CCDC32: variants seen among roughly 807,000 people sequenced by gnomAD.
CCDC32 encodes the protein coiled-coil domain containing 32, also known as coiled-coil domain-containing protein 32.
CCDC32 carries 9 observed loss-of-function variants against 20.1 expected under a neutral mutation model. The observed-to-expected ratio is 0.45, with a 90% confidence interval of 0.27 to 0.78. The LOEUF (loss-of-function observed/expected upper bound fraction) is 0.78. CCDC32 is among the 30% of genes least tolerant of loss of function. The probability of loss-of-function intolerance (pLI) is 0.16; values close to 1 mark genes in which losing one functional copy is unlikely to be tolerated. For missense variants in CCDC32, 204 were observed against 215.5 expected, an observed-to-expected ratio of 0.95 and a Z score of 0.33; for synonymous variants, 63 against 79.0, an observed-to-expected ratio of 0.80 and a Z score of 1.07.
rs747237518 is a variant in CCDC32 at position 40,553,662 on chromosome 15, C to A, written c.*309G>T. The A allele has an allele frequency of 1.0e-4, 114 of 1,144,854 alleles. No homozygotes were observed. Among genetic ancestry groups the A allele is most frequent in the Non-Finnish European group, 1.2e-4 (110 of 934,188 alleles). 70.9% of individuals were successfully genotyped at this position (1,144,854 alleles called of 1,614,324 possible). On this transcript the variant is annotated 3_prime_UTR_variant, in exon 4 of 4. Coordinates refer to ENST00000416810, the MANE Select transcript of CCDC32 (RefSeq NM_001080792.4). ...ATTTGATCTTTAGCAGACTTCTAACCTGCAGAGACAGAGCTCAGCCAAGCT... is the reference window on the plus strand; with the variant it reads ...ATTTGATCTTTAGCAGACTTCTAACATGCAGAGACAGAGCTCAGCCAAGCT...
chr15:40,564,829 G>A, intron 1 of CCDC32, 147 bp downstream of exon 1: 1 of 1,613,704 alleles, frequency 6.2e-7, no homozygotes, highest in South Asian at 1.1e-5. Context: ...GGAAATTCCG[G>A]CGTCCAGATC....
At chr15:40,558,822 C>T (rs1312185346) in intron 2 of CCDC32, among the ~76,000 whole-genome samples, 2 of 148,982 alleles carry the variant, frequency 1.3e-5, no homozygotes, top group African/African-American at 2.5e-5. Flanking sequence ...TTTTTTGAGA[C>T]GGAGTCTCGC....
At chr15:40,526,036 G>A (rs527801468), downstream of CCDC32, among the ~76,000 whole-genome samples, 2 of 151,966 alleles carry the variant, frequency 1.3e-5, no homozygotes, top group East Asian at 1.9e-4. Flanking sequence ...GAGTGCAGAC[G>A]AAAGACCTCT....
At chr15:40,539,840 C>CCCCACACACACACACACA (rs1338607302) in intron 3 of CCDC32, among the ~76,000 whole-genome samples, 1 of 134,542 alleles carries the variant, frequency 7.4e-6, no homozygotes, top group Admixed American at 8.0e-5. Flanking sequence ...CAAACTGTTG[C>CCCCACACACACACACACA]CACACACACA....
chr15:40,523,018 T>C, the CCDC32 span, among the ~76,000 whole-genome samples: 1,988 of 150,580 alleles, frequency 0.013, 44 homozygotes, highest in African/African-American at 0.046. Context: ...GTAGAGAGTG[T>C]GTTTTCGCCA....
chr15:40,524,088 A>C (rs1006252567), downstream of CCDC32, among the ~76,000 whole-genome samples: 1 of 152,150 alleles, frequency 6.6e-6, no homozygotes, highest in Non-Finnish European at 1.5e-5. Context: ...AGAACAATTA[A>C]AGACAAGTCA....
At chr15:40,547,678 C>G (rs1329936406) in intron 3 of CCDC32, among the ~76,000 whole-genome samples, 4 of 152,196 alleles carry the variant, frequency 2.6e-5, no homozygotes, top group Admixed American at 1.3e-4. Flanking sequence ...GCTTTTATTC[C>G]TCCCACTGAA....
At chr15:40,530,866 C>G (rs1888854192), downstream of CCDC32, among the ~76,000 whole-genome samples, 1 of 151,190 alleles carries the variant, frequency 6.6e-6, no homozygotes, top group African/African-American at 2.4e-5. Context: ...CGTGCGCCAC[C>G]ACCCGGCTAA....
chr15:40,540,502 G>A (rs1889347140), intron 3 of CCDC32, among the ~76,000 whole-genome samples: 1 of 151,672 alleles, frequency 6.6e-6, no homozygotes, highest in South Asian at 2.1e-4. Flanking sequence ...CGAGTAGCTG[G>A]GATTACAGGC....
chr15:40,550,733 C>T (rs946883391), downstream of CCDC32, among the ~76,000 whole-genome samples: 1 of 152,206 alleles, frequency 6.6e-6, no homozygotes, highest in Non-Finnish European at 1.5e-5. Flanking sequence ...TCCGTGGAGT[C>T]GTGCAGAGCT....
chr15:40,553,037 T>G, downstream of CCDC32: 1 of 874,946 alleles, frequency 1.1e-6, no homozygotes, highest in Non-Finnish European at 1.4e-6. Context: ...TGTCTTTACC[T>G]CCTGCTGCCT....
At chr15:40,552,481 CAAAAAA>C (rs58360713), downstream of CCDC32, among the ~76,000 whole-genome samples, 7 of 94,332 alleles carry the variant, frequency 7.4e-5, no homozygotes, top group Admixed American at 2.5e-4. Context: ...AACTCCATCT[CAAAAAA>C]AAAAAAAAAA....
At chr15:40,539,151 T>TC, downstream of CCDC32, 1 of 1,142,840 alleles carries the variant, frequency 8.8e-7, no homozygotes, top group Non-Finnish European at 1.3e-6. Context: ...TTGCTGTTTC[T>TC]CCCCAGCTCC....
At chr15:40,550,919 ACTATT>A (rs1889827109), downstream of CCDC32, among the ~76,000 whole-genome samples, 2 of 152,178 alleles carry the variant, frequency 1.3e-5, no homozygotes, top group African/African-American at 4.8e-5. Context: ...TGACAGAAAC[ACTATT>A]TTCGGGTACA....
chr15:40,545,513 G>A (rs1194696587), intron 3 of CCDC32, among the ~76,000 whole-genome samples: 1 of 152,214 alleles, frequency 6.6e-6, no homozygotes, highest in African/African-American at 2.4e-5. Flanking sequence ...GACAGAGGAG[G>A]TGGAGAGAAT....
chr15:40,523,019 G>A, the CCDC32 span, among the ~76,000 whole-genome samples: 392 of 150,994 alleles, frequency 2.6e-3, 6 homozygotes, highest in Non-Finnish European at 9.0e-4. Flanking sequence ...TAGAGAGTGT[G>A]TTTTCGCCAT....
At position 40,541,330 on chromosome 15, in the gene CCDC32, AAT is replaced by A. The variant is rs139777798; in HGVS notation, c.402-1977_402-1976del. ...AGTCAGTGGCAAAATTCTGAGCTGT[AAT>A]ATTTTTTTTTTTTTTTTTGAGACGG... On this transcript the variant is annotated intron_variant, in intron 3 of 3. Coordinates refer to the CCDC32 transcript ENST00000558113. Among the ~76,000 whole-genome samples the A allele has an allele frequency of 7.4e-3, 731 of 99,434 alleles. 11 individuals are homozygous for A. The highest frequency in any genetic ancestry group is 0.022 in the African/African-American group (647 of 29,320). The allele number at this position is 99,434 out of a possible 152,430, so 65.2% of individuals were successfully genotyped here.
intron 3 of CCDC32, among the ~76,000 whole-genome samples, chr15:40,555,267 A>G (rs1890161220): frequency 6.6e-6 from 1 of 152,194 alleles, no homozygotes; most frequent in African/African-American, 2.4e-5. Flanking sequence ...TTTAATCTTC[A>G]TTTACCACAC....
At chr15:40,531,606 T>G (rs537897638), downstream of CCDC32, 93 of 152,204 alleles carry the variant, frequency 6.1e-4, no homozygotes, top group African/African-American at 2.1e-3. Context: ...TTTGCATAGA[T>G]TTTGATTTTT....
Sources: gnomAD v4.1 joint callset for allele counts (sites outside exome capture counted in the v4.1 genomes callset) on GRCh38, gnomAD v4.1.1 for gene constraint, MANE v1.5 for transcripts, NCBI Gene and HGNC (gene_info 2026-07-23, HGNC 2026-07-21) for gene names.